Variants in CAMK2B observed in about 807,000 individuals in gnomAD.
CAMK2B encodes the protein calcium/calmodulin-dependent protein kinase type II subunit beta.
Under a neutral mutation model 93.7 loss-of-function variants are expected in CAMK2B, and 27 were observed. The ratio of observed to expected loss-of-function variants is 0.29; its 90% CI spans 0.21 to 0.40. CAMK2B has a LOEUF of 0.40. CAMK2B is among the 10% of genes least tolerant of loss of function. CAMK2B has a pLI of 1.00. For missense variants in CAMK2B, 568 were observed against 895.8 expected (o/e 0.63, Z 4.67); for synonymous variants, 374 against 358.8 (o/e 1.04, Z -0.48).
chr7:44,296,238 G>C (rs1191174202), intron 1 of CAMK2B, among the ~76,000 whole-genome samples: 1 of 152,218 alleles, frequency 6.6e-6, no homozygotes, highest in African/African-American at 2.4e-5. Context: ...ACAAGAACAG[G>C]CGGGTGATGT....
chr7:44,254,530 C>A lies in CAMK2B; in HGVS notation c.341+12G>T, dbSNP rs748147527. On this transcript the variant is annotated intron_variant, in intron 5 of 23. Coordinates refer to ENST00000395749, the MANE Select transcript of CAMK2B (RefSeq NM_001220.5). ...GAAGAGGGACAGGACAGCGTGAGGG[C>A]TCTGCACCCACCTGGCATCAGCCTC... 6.2e-7 allele frequency: 1 copy of A among 1,603,450 alleles called. No homozygotes were observed. The highest frequency in any genetic ancestry group is 1.7e-5 in the Admixed American group (1 of 59,972).
chr7:44,232,608 G>A (rs2096589986), intron 16 of CAMK2B, among the ~76,000 whole-genome samples: 1 of 152,210 alleles, frequency 6.6e-6, no homozygotes, highest in African/African-American at 2.4e-5. Context: ...GGGCGCAACT[G>A]TGCCAAGCAC....
rs1415029899 is a variant in CAMK2B, at chr7:44,325,580, G to T, written c.-159C>A. The T allele has an allele frequency of 3.0e-5, 6 of 202,676 alleles. No homozygotes were observed. Among genetic ancestry groups the T allele is most frequent in the African/African-American group, 7.2e-5 (3 of 41,780 alleles). The allele number at this position is 202,676 out of a possible 1,614,324, so 12.6% of individuals were successfully genotyped here. ...CGGGCTGGGCTGCGCCGGGCGGCGA[G>T]CGCACGCGAGATCTGCTCGCTCCGT... On this transcript the variant is annotated 5_prime_UTR_variant, in exon 1 of 24. Transcript: ENST00000395749.
At chr7:44,277,971 G>T (rs1207262943) in intron 2 of CAMK2B, among the ~76,000 whole-genome samples, 1 of 152,254 alleles carries the variant, frequency 6.6e-6, no homozygotes, top group Non-Finnish European at 1.5e-5. Flanking sequence ...CCAGCCCCTG[G>T]TTAGGAAGGG....
At chr7:44,282,306 G>T (rs1302598134) in intron 2 of CAMK2B, among the ~76,000 whole-genome samples, 1 of 152,216 alleles carries the variant, frequency 6.6e-6, no homozygotes, top group Non-Finnish European at 1.5e-5. Context: ...CCCACCACGG[G>T]CTGGGCCCCA....
chr7:44,290,184 A>G (rs1213593316), intron 1 of CAMK2B, among the ~76,000 whole-genome samples: 1 of 152,256 alleles, frequency 6.6e-6, no homozygotes, highest in East Asian at 1.9e-4. Flanking sequence ...CAATTCCAGG[A>G]AGTTCTTAAA....
intron 2 of CAMK2B, among the ~76,000 whole-genome samples, chr7:44,273,299 G>A (rs1381966312): frequency 6.6e-6 from 1 of 152,080 alleles, no homozygotes; most frequent in East Asian, 1.9e-4. Flanking sequence ...CTCCTCTCTG[G>A]GCTCTGAGTA....
chr7:44,309,072 T>G (rs970683112), intron 1 of CAMK2B, among the ~76,000 whole-genome samples: 1 of 152,204 alleles, frequency 6.6e-6, no homozygotes, highest in African/African-American at 2.4e-5. Context: ...CCGCCTGGCC[T>G]AGTAGGCTCC....
chr7:44,272,241 C>A (rs2096981795), intron 2 of CAMK2B, among the ~76,000 whole-genome samples: 1 of 152,164 alleles, frequency 6.6e-6, no homozygotes, highest in African/African-American at 2.4e-5. Flanking sequence ...CAGGAATAAC[C>A]CCGGCCCAAG....
intron 1 of CAMK2B, among the ~76,000 whole-genome samples, chr7:44,307,392 A>T (rs187829108): frequency 1.3e-5 from 1 of 76,944 alleles, no homozygotes; most frequent in East Asian, 4.3e-4. Flanking sequence ...GAGCAGGGAG[A>T]AGAGGGGGTA....
intron 1 of CAMK2B, among the ~76,000 whole-genome samples, chr7:44,309,456 C>G (rs1260420330): frequency 6.6e-6 from 1 of 152,192 alleles, no homozygotes; most frequent in Non-Finnish European, 1.5e-5. Context: ...TTGCTGCGCC[C>G]CCATCTCCCT....
chr7:44,276,200 G>T (rs2097036795), intron 2 of CAMK2B, among the ~76,000 whole-genome samples: 1 of 151,302 alleles, frequency 6.6e-6, no homozygotes, highest in Admixed American at 6.6e-5. Context: ...GGGTCTCCAG[G>T]CTGGGAGGGG....
chr7:44,290,885 G>C (rs1000208433), intron 1 of CAMK2B, among the ~76,000 whole-genome samples: 1 of 152,112 alleles, frequency 6.6e-6, no homozygotes, highest in Non-Finnish European at 1.5e-5. Flanking sequence ...TTATTGTTAC[G>C]TTTACAATGT....
At chr7:44,230,758 G>A (rs952108638) in intron 17 of CAMK2B, among the ~76,000 whole-genome samples, 1 of 152,118 alleles carries the variant, frequency 6.6e-6, no homozygotes, top group Admixed American at 6.5e-5. Context: ...CAAAGCCGTG[G>A]CTTCCTCACT....
At position 44,234,740 on chromosome 7, in the gene CAMK2B, C is replaced by T. The variant is rs2096610150; in HGVS notation, c.1022-64G>A. The T allele has an allele frequency of 1.2e-5, 19 of 1,550,072 alleles. No homozygotes were observed. The South Asian group carries it at 1.9e-4, about 16-fold the overall frequency. ...GCCTGGGTCTCGCTGCAGCGCAACC[C>T]CACCCCTTTGCCTGACCCCACTCTT... is the stretch of plus-strand genomic sequence containing the variant. On this transcript the variant is annotated intron_variant, in intron 13 of 23. Coordinates refer to ENST00000395749, the MANE Select transcript of CAMK2B (RefSeq NM_001220.5).
Position 44,228,808 on chromosome 7 carries a change from G to A in CAMK2B, c.1456C>T (p.Leu486=). The A allele has an allele frequency of 4.0e-6, 6 of 1,507,234 alleles. No individual in the cohort carries two copies. Among genetic ancestry groups the A allele is most frequent in the Non-Finnish European group, 4.4e-6 (5 of 1,132,280 alleles). The allele number at this position is 1,507,234 out of a possible 1,614,324, so 93.4% of individuals were successfully genotyped here. ...GGCCACTACTTACACGGGGAGGACA[G>A]GGGGCCTAGGAGAGCCGGAGACAGG... ...PCLSPALLGP[L]SSPSPRISDI... is the part of the protein sequence containing the mutation. Residue 486 remains leucine (L), a synonymous_variant, in exon 19 of 24, where the codon CTG becomes TTG. Coordinates refer to ENST00000395749, the MANE Select transcript of CAMK2B (RefSeq NM_001220.5).
At chr7:44,223,141 C>T (rs1347434811) in intron 20 of CAMK2B, among the ~76,000 whole-genome samples, 1 of 151,852 alleles carries the variant, frequency 6.6e-6, no homozygotes, top group Non-Finnish European at 1.5e-5. Context: ...TGCATGAGCA[C>T]CTGTGCATGT....
chr7:44,246,348 C>A (rs1484323483), intron 6 of CAMK2B, among the ~76,000 whole-genome samples: 1 of 152,110 alleles, frequency 6.6e-6, no homozygotes, highest in Non-Finnish European at 1.5e-5. Context: ...CCCCTCCCAG[C>A]CCTGGAGGTC....
chr7:44,307,143 G>A (rs1792032850), intron 1 of CAMK2B, among the ~76,000 whole-genome samples: 1 of 137,158 alleles, frequency 7.3e-6, no homozygotes, highest in Non-Finnish European at 1.6e-5. Context: ...GGAGGAGGGT[G>A]TGAGCAGAGG....
Sources: allele counts gnomAD v4.1 joint callset (sites outside exome capture counted in the v4.1 genomes callset), GRCh38; gene constraint gnomAD v4.1.1; transcripts MANE v1.5; gene names NCBI Gene and HGNC (gene_info 2026-07-23, HGNC 2026-07-21).